NUP188: variants seen among roughly 807,000 people sequenced by gnomAD.
The protein encoded by NUP188 is nucleoporin 188.
In NUP188, 97 loss-of-function variants were observed where a neutral mutation model predicts 223.0. That is an observed-to-expected ratio of 0.43 (90% CI 0.37 to 0.51). The LOEUF (loss-of-function observed/expected upper bound fraction) is 0.51. Among genes scored for constraint, NUP188 ranks in the 20% least tolerant of loss-of-function variants. NUP188 has a pLI of 0.00. For synonymous variants in NUP188, 869 were observed against 828.0 expected, an observed-to-expected ratio of 1.05 and a Z score of -0.85; for missense variants, 1,947 against 2,175.6, an observed-to-expected ratio of 0.89 and a Z score of 2.09.
chr9:128,997,936 G>A (rs1842558383), intron 30 of NUP188, among the ~76,000 whole-genome samples: 2 of 150,884 alleles, frequency 1.3e-5, no homozygotes, highest in Non-Finnish European at 3.0e-5. Flanking sequence ...GGCCAGGATG[G>A]TCTTGATCTC....
Position 128,960,827 on chromosome 9 carries a change from A to G in NUP188, c.585+1693A>G, listed in dbSNP as rs201932843. On this transcript the variant is annotated intron_variant, in intron 8 of 43. Transcript: ENST00000372577. Reference sequence around the variant, plus strand: ...TGGTGGGGCACGGTGGCTCAGGCCTATAATCCCAGCACTTTGGGAGGCCAA... The same window carrying G: ...TGGTGGGGCACGGTGGCTCAGGCCTGTAATCCCAGCACTTTGGGAGGCCAA... Among the ~76,000 whole-genome samples the G allele has an allele frequency of 3.3e-5, 5 of 151,898 alleles. No homozygotes were observed. The East Asian group carries it at 5.8e-4, about 18-fold the overall frequency.
intron 28 of NUP188, 70 bp from the exon 29 acceptor site, chr9:128,994,786 C>T: frequency 7.8e-7 from 1 of 1,286,652 alleles, no homozygotes; most frequent in Non-Finnish European, 1.1e-6. Flanking sequence ...CTGCTCTGTT[C>T]CCTGTTTGAT....
At position 129,006,658 on chromosome 9, in the gene NUP188, G is replaced by A. The variant is rs760318091; in HGVS notation, c.5230G>A (p.Val1744Ile). The change falls in exon 44 of 44, where the codon GTC (valine) becomes ATC (isoleucine). Residue 1744 changes from valine (V) to isoleucine (I), a missense_variant. Physicochemically the swap from Val to Ile is conservative, Grantham distance 29. Around this residue, in one of 3 missense-constraint regions of NUP188, gnomAD observed 905 missense variants for 990.6 expected, o/e 0.91. Transcript: ENST00000372577. ...TCTGATCCAGTTGGTGCAGGCGTTT[G>A]TCCGGCATATGCAAAGATAGGGCAG... Reference protein sequence around the residue: ...EPLIQLVQAFVRHMQR With the variant: ...EPLIQLVQAFIRHMQR 1.9e-6 allele frequency: 3 copies of A among 1,613,630 alleles called. No individual in the cohort carries two copies. The highest frequency in any genetic ancestry group is 8.5e-7 in the Non-Finnish European group (1 of 1,179,962).
chr9:128,957,618 C>T (rs1841889667), intron 5 of NUP188, among the ~76,000 whole-genome samples: 1 of 152,122 alleles, frequency 6.6e-6, no homozygotes, highest in South Asian at 2.1e-4. Context: ...GCGCCTGCCA[C>T]CACGCCCGGC....
chr9:128,959,288 C>T (rs1225963937), intron 8 of NUP188, among the ~76,000 whole-genome samples, 154 bp downstream of exon 8: 1 of 151,936 alleles, frequency 6.6e-6, no homozygotes, highest in Non-Finnish European at 1.5e-5. Flanking sequence ...ATTACAGGCA[C>T]CCGTCGTCAC....
At chr9:128,997,202 C>A (rs930897246) in intron 30 of NUP188, among the ~76,000 whole-genome samples, 4 of 152,090 alleles carry the variant, frequency 2.6e-5, no homozygotes, top group Admixed American at 6.6e-5. Flanking sequence ...GATGGACTTG[C>A]AAGTGCAAAG....
Position 129,001,873 on chromosome 9 carries a change from C to T in NUP188, c.4045-11C>T, listed in dbSNP as rs777187375. 10 of 1,613,456 alleles carry T rather than the reference C, an allele frequency of 6.2e-6. No individual in the cohort carries two copies. Among genetic ancestry groups the T allele is most frequent in the East Asian group, 2.2e-5 (1 of 44,878 alleles). On this transcript the variant is annotated splice_polypyrimidine_tract_variant and intron_variant, in intron 35 of 43. Coordinates refer to ENST00000372577, the MANE Select transcript of NUP188 (RefSeq NM_015354.3). ...GGCTCCATCTCATTTCCTGTCTTTC[C>T]CTCCTCCCAGGGAGCCACAGCAGTG...
Position 128,988,093 on chromosome 9 carries a change from G to C in NUP188, c.2440G>C (p.Val814Leu). ...GCAGGGCCAGCTGCTGATCAAGACA[G>C]TGAAACTGGCATTCTCCGTCACCAA... ...QGQGQLLIKT[V>L]KLAFSVTNNV... The change falls in exon 24 of 44, where the codon GTG (valine) becomes CTG (leucine). Residue 814 changes from valine to leucine, a missense_variant. Coordinates refer to ENST00000372577, the MANE Select transcript of NUP188 (RefSeq NM_015354.3). The C allele has an allele frequency of 6.2e-7, 1 of 1,614,244 alleles. No homozygotes were observed.
intron 20 of NUP188, among the ~76,000 whole-genome samples, chr9:128,985,716 G>T (rs1430932122): frequency 1.3e-5 from 2 of 152,178 alleles, no homozygotes; most frequent in African/African-American, 4.8e-5. Flanking sequence ...CTTCCTGCCT[G>T]CAGGAATCAA....
At chr9:128,953,425 C>T (rs1841823696) in intron 3 of NUP188, among the ~76,000 whole-genome samples, 1 of 152,096 alleles carries the variant, frequency 6.6e-6, no homozygotes. Flanking sequence ...ATTCCTAGTC[C>T]AGATCTCATT....
At chr9:129,002,136 G>A (rs1842682615) in intron 36 of NUP188, among the ~76,000 whole-genome samples, 160 bp downstream of exon 36, 1 of 152,228 alleles carries the variant, frequency 6.6e-6, no homozygotes, top group Admixed American at 6.5e-5. Context: ...TCTCTAGCAA[G>A]AGAAACTCAC....
chr9:128,956,213 GTGTGTGTGTT>G (rs1841869069), intron 3 of NUP188, 127 bp from the exon 4 acceptor site: 3 of 494,118 alleles, frequency 6.1e-6, no homozygotes, highest in Non-Finnish European at 1.1e-5. Context: ...GTGTGTGTGC[GTGTGTGTGTT>G]TGTGTGTGTG....
rs1416815025 is a variant in NUP188 at position 128,983,011 on chromosome 9, C to T, written c.1779C>T (p.Ile593=). The T allele has an allele frequency of 6.2e-7, 1 of 1,614,102 alleles. No homozygotes were observed. The highest frequency in any genetic ancestry group is 1.1e-5 in the South Asian group (1 of 91,078). The change falls in exon 17 of 44, where the codon ATC becomes ATT. Residue 593 remains isoleucine (I), a synonymous_variant. Transcript: ENST00000372577. ...GTCTCCTGCCCATCACATCTCGCAT[C>T]TACATGCTGCTGCAGCGGTGAGTCT... ...ADCLLPITSR[I]YMLLQRLTTV...
At chr9:128,999,521 G>T in intron 33 of NUP188, 103 bp from the exon 34 acceptor site, 2 of 1,275,362 alleles carry the variant, frequency 1.6e-6, no homozygotes, top group East Asian at 4.9e-5. Flanking sequence ...GTCCCTCCTA[G>T]CGCCCTAGTA....
Position 128,956,958 on chromosome 9 carries a change from G to T in NUP188, c.253G>T (p.Asp85Tyr), listed in dbSNP as rs773522287. Residue 85 changes from aspartate (D) to tyrosine (Y), a missense_variant, in exon 5 of 44, where the codon GAT (aspartate) becomes TAT (tyrosine). Transcript: ENST00000372577. ...GLRISKFLGL[D>Y]EEQSVQLLQC... is the part of the protein sequence containing the mutation. The stretch of plus-strand genomic sequence containing the variant: ...TAAAATCTCTGTGTTTCAGGGTCTT[G>T]ATGAAGAACAGAGTGTGCAGTTACT... 6 of 1,609,494 alleles carry T rather than the reference G, an allele frequency of 3.7e-6. No homozygotes were observed. The highest frequency in any genetic ancestry group is 4.2e-6 in the Non-Finnish European group (5 of 1,177,416).
chr9:128,995,624 C>A, intron 30 of NUP188, 110 bp downstream of exon 30: 1 of 963,620 alleles, frequency 1.0e-6, no homozygotes, highest in Non-Finnish European at 1.6e-6. Flanking sequence ...GGGTTTATCC[C>A]TGAGAGCTAA....
chr9:128,970,954 A>G lies in NUP188; in HGVS notation c.1109A>G (p.Asn370Ser). Residue 370 changes from asparagine to serine, a missense_variant, in exon 11 of 44, where the codon AAT becomes AGT. Asn to Ser is a conservative substitution (Grantham distance 46, BLOSUM62 1). Coordinates refer to ENST00000372577, the MANE Select transcript of NUP188 (RefSeq NM_015354.3). ...CTCCAGTCCCTTGCCAGTGGGGGAA[A>G]TGATGTGAGTTTAAGGCTCTGGGTG... ...RLLQSLASGGNDCTTSTACMC... is the reference protein window; with the variant it reads ...RLLQSLASGGSDCTTSTACMC... 6.2e-7 allele frequency: 1 copy of G among 1,613,406 alleles called. No homozygotes were observed. Among genetic ancestry groups the G allele is most frequent in the Non-Finnish European group, 8.5e-7 (1 of 1,179,404 alleles).
intron 17 of NUP188, 25 bp from the exon 18 acceptor site, chr9:128,983,268 G>C: frequency 6.3e-7 from 1 of 1,592,148 alleles, no homozygotes. Context: ...GCTTTATTGA[G>C]TATAGTGTAT....
At position 128,968,525 on chromosome 9, in the gene NUP188, G is replaced by C; in HGVS notation, c.605G>C (p.Arg202Pro). 1.2e-6 allele frequency: 2 copies of C among 1,613,960 alleles called. No individual in the cohort carries two copies. Among genetic ancestry groups the C allele is most frequent in the Non-Finnish European group, 1.7e-6 (2 of 1,179,926 alleles). ...GNLMTERQVS[R>P]WFVQCLREQS... ...GTACAGACAGAGCGCCAAGTGTCTC[G>C]CTGGTTTGTTCAGTGCCTTCGGGAA... is the stretch of plus-strand genomic sequence containing the variant. Residue 202 changes from arginine (R) to proline (P), a missense_variant, in exon 9 of 44, where the codon CGC becomes CCC. By Grantham distance (103) the Arg-to-Pro change is moderately radical. Around this residue, in one of 3 missense-constraint regions of NUP188, gnomAD observed 817 missense variants for 865.8 expected, o/e 0.94. Transcript: ENST00000372577.
Sources: allele counts gnomAD v4.1 joint callset (sites outside exome capture counted in the v4.1 genomes callset), GRCh38; gene constraint gnomAD v4.1.1; regional missense constraint gnomAD v4.1.1; transcripts MANE v1.5; gene names NCBI Gene and HGNC (gene_info 2026-07-23, HGNC 2026-07-21).